ATXN7: variants seen among roughly 807,000 people sequenced by gnomAD.
ATXN7 encodes the protein ataxin-7.
In ATXN7, 12 loss-of-function variants were observed where a neutral mutation model predicts 70.5. The observed-to-expected ratio is 0.17, with a 90% CI of 0.11 to 0.28. The LOEUF (loss-of-function observed/expected upper bound fraction) is 0.28. Among genes scored for constraint, ATXN7 ranks in the 10% least tolerant of loss-of-function variants. The pLI is 1.00. For missense variants in ATXN7, 1,256 were observed against 1,131.7 expected, an observed-to-expected ratio of 1.11 and a Z score of -1.58; for synonymous variants, 498 against 448.7, an observed-to-expected ratio of 1.11 and a Z score of -1.39.
chr3:63,965,939 A>C (rs902252823), intron 5 of ATXN7, among the ~76,000 whole-genome samples: 3 of 152,132 alleles, frequency 2.0e-5, no homozygotes, highest in Admixed American at 2.0e-4. Flanking sequence ...AATAAGTTAA[A>C]ATTCGTTTTT....
intron 4 of ATXN7, among the ~76,000 whole-genome samples, chr3:63,929,493 G>A (rs1575910530): frequency 6.6e-6 from 1 of 152,046 alleles, no homozygotes; most frequent in Admixed American, 6.5e-5. Flanking sequence ...CGATGGTCTC[G>A]ATCTCCTGAC....
intron 5 of ATXN7, among the ~76,000 whole-genome samples, chr3:63,962,025 C>T (rs1342712822): frequency 6.6e-6 from 1 of 152,140 alleles, no homozygotes; most frequent in Non-Finnish European, 1.5e-5. Flanking sequence ...GTTTTTATCA[C>T]TTCTTAATGC....
intron 9 of ATXN7, chr3:63,988,582 T>G (rs3774725): frequency 0.17 from 76,082 of 438,022 alleles, 7,482 homozygotes; most frequent in East Asian, 0.39. Context: ...ACATCAAGTG[T>G]CTCAACTCTG....
intron 1 of ATXN7, among the ~76,000 whole-genome samples, chr3:63,865,894 C>CAAAA (rs34205947): frequency 0.068 from 1,106 of 16,314 alleles, 45 homozygotes; most frequent in East Asian, 0.089. Context: ...GACTCCATCT[C>CAAAA]AAAAAAAAAA....
chr3:63,990,717 C>T (rs768860894), intron 10 of ATXN7, 21 bp from the exon 11 acceptor site: 22 of 1,614,078 alleles, frequency 1.4e-5, no homozygotes, highest in African/African-American at 8.0e-5. Context: ...AGCAAGCACG[C>T]GGCTATGTTT....
intron 1 of ATXN7, among the ~76,000 whole-genome samples, chr3:63,875,460 C>G (rs1702724204): frequency 6.6e-6 from 1 of 152,126 alleles, no homozygotes; most frequent in African/African-American, 2.4e-5. Flanking sequence ...ATGGTGGTGT[C>G]TAGTAGTCAC....
Position 63,990,343 on chromosome 3 carries a change from A to G in ATXN7, c.1529A>G (p.His510Arg). 2 of 1,614,076 alleles carry G rather than the reference A, an allele frequency of 1.2e-6. No individual in the cohort carries two copies. The highest frequency in any genetic ancestry group is 1.7e-6 in the Non-Finnish European group (2 of 1,180,032). Residue 510 changes from histidine to arginine, a missense_variant, in exon 10 of 13, where the codon CAT becomes CGT. Physicochemically the swap from His to Arg is conservative, Grantham distance 29. Transcript: ENST00000674280. The stretch of plus-strand genomic sequence containing the variant: ...GAGTCTGTTGAAAAACTGGACTGTC[A>G]TTATTCAGGTCATCATCCTCAGCCA... ...KEESVEKLDC[H>R]YSGHHPQPAS... is the part of the protein sequence containing the mutation.
rs941762176 is a variant in ATXN7, at chr3:64,002,344, G to A, written c.*2877G>A. 1 of 152,488 alleles carries A rather than the reference G, an allele frequency of 6.6e-6. No individual in the cohort carries two copies. The highest frequency in any genetic ancestry group is 6.6e-5 in the Admixed American group (1 of 15,266). 9.4% of individuals were successfully genotyped at this position (152,488 alleles called of 1,614,324 possible). A position where few individuals can be genotyped will look rare whatever the true frequency, so the allele number is the denominator to read the frequency against. Reference sequence around the variant, plus strand: ...AAGGGATGCCTCTGTTCTGTGAAAAGTCTTTGTCCCTTTTAGTGTCTCGGG... The same window carrying A: ...AAGGGATGCCTCTGTTCTGTGAAAAATCTTTGTCCCTTTTAGTGTCTCGGG... On this transcript the variant is annotated 3_prime_UTR_variant, in exon 13 of 13. Coordinates refer to ENST00000674280, the MANE Select transcript of ATXN7 (RefSeq NM_001377405.1).
At chr3:63,965,222 G>A (rs1057492032) in intron 5 of ATXN7, among the ~76,000 whole-genome samples, 2 of 152,082 alleles carry the variant, frequency 1.3e-5, no homozygotes, top group East Asian at 1.9e-4. Flanking sequence ...TTTGCTGAAC[G>A]TTTAACAAGT....
At chr3:63,920,830 G>A (rs980673097) in intron 4 of ATXN7, among the ~76,000 whole-genome samples, 10 of 152,160 alleles carry the variant, frequency 6.6e-5, no homozygotes, top group Admixed American at 6.5e-4. Context: ...AAAGGGAGAA[G>A]TGAAATTTCA....
At chr3:63,952,626 A>C (rs2074972905) in intron 5 of ATXN7, 143 bp downstream of exon 5, 2 of 456,774 alleles carry the variant, frequency 4.4e-6, no homozygotes, top group Non-Finnish European at 3.8e-6. Context: ...CAGTGGGTTA[A>C]TAACTATCAG....
chr3:63,914,051 T>C (rs1397548628), intron 4 of ATXN7, among the ~76,000 whole-genome samples: 4 of 152,216 alleles, frequency 2.6e-5, no homozygotes, highest in African/African-American at 9.7e-5. Flanking sequence ...TTTCAAGTTA[T>C]TCTTTCAGTG....
At chr3:63,893,844 T>C (rs1703362260) in intron 1 of ATXN7, among the ~76,000 whole-genome samples, 1 of 151,662 alleles carries the variant, frequency 6.6e-6, no homozygotes, top group Admixed American at 6.6e-5. Context: ...AAAAAAGAGG[T>C]TGTGTATAGA....
chr3:63,991,082 G>A (rs770263863), intron 11 of ATXN7: 2 of 587,656 alleles, frequency 3.4e-6, no homozygotes, highest in Non-Finnish European at 5.9e-6. Context: ...ACTCCCACAT[G>A]TATGGAGCTC....
At chr3:63,878,437 A>G (rs1416495687) in intron 1 of ATXN7, 1 of 152,220 alleles carries the variant, frequency 6.6e-6, no homozygotes, top group Non-Finnish European at 1.5e-5. Context: ...CCAGTTTAAA[A>G]GGTGTCGTTT....
intron 5 of ATXN7, among the ~76,000 whole-genome samples, chr3:63,978,994 T>A (rs2075438170): frequency 6.6e-6 from 1 of 152,234 alleles, no homozygotes; most frequent in African/African-American, 2.4e-5. Context: ...TAAGCAAATG[T>A]GTAATTTTAA....
chr3:63,869,306 A>G (rs758831297), intron 1 of ATXN7, among the ~76,000 whole-genome samples: 11 of 152,366 alleles, frequency 7.2e-5, no homozygotes, highest in Non-Finnish European at 1.0e-4. Context: ...GGGATAATAA[A>G]TGCAAAAAAG....
At chr3:63,964,807 G>C (rs141718139) in intron 5 of ATXN7, among the ~76,000 whole-genome samples, 134 of 152,262 alleles carry the variant, frequency 8.8e-4, no homozygotes, top group Admixed American at 3.1e-3. Flanking sequence ...GAATTGCTTG[G>C]TATTTCCAAG....
chr3:63,975,608 A>G (rs1035724870), intron 5 of ATXN7, among the ~76,000 whole-genome samples: 4 of 152,234 alleles, frequency 2.6e-5, no homozygotes, highest in African/African-American at 9.6e-5. Flanking sequence ...TGATATAAAA[A>G]GATCTAATTA....
Sources: allele counts gnomAD v4.1 joint callset (sites outside exome capture counted in the v4.1 genomes callset), GRCh38; gene constraint gnomAD v4.1.1; transcripts MANE v1.5; gene names NCBI Gene and HGNC (gene_info 2026-07-23, HGNC 2026-07-21).